The following TAFA5 variants were observed in gnomAD, a reference collection of about 807,000 sequenced individuals.
TAFA5 encodes the protein TAFA chemokine like family member 5, also known as chemokine-like protein TAFA-5.
A neutral mutation model predicts 15.3 loss-of-function variants in TAFA5; 6 were observed. That is an observed-to-expected ratio of 0.39 (90% confidence interval 0.21 to 0.77). The LOEUF (loss-of-function observed/expected upper bound fraction) is 0.77, where lower values mean the gene tolerates loss of function less well. Among genes scored for constraint, TAFA5 ranks in the 30% least tolerant of loss-of-function variants. The pLI is 0.41. For missense variants in TAFA5, 161 were observed against 193.1 expected, an observed-to-expected ratio of 0.83 and a Z score of 0.98; for synonymous variants, 103 against 80.7, an observed-to-expected ratio of 1.28 and a Z score of -1.48.
In TAFA5 at chr22:48,715,516, C is replaced by A. The variant is rs548582425; in HGVS notation, c.390+7672C>A. Among the ~76,000 whole-genome samples, 14 of 152,340 alleles carry A rather than the reference C, an allele frequency of 9.2e-5. No homozygotes were observed. In the East Asian group the frequency reaches 2.7e-3, roughly 29 times the overall value. On this transcript the variant is annotated intron_variant, in intron 3 of 3. Coordinates refer to ENST00000402357, the MANE Select transcript of TAFA5 (RefSeq NM_001082967.3). ...AGGAGGCCAGGGCCTCCATCTTCCT[C>A]CTCTTGGGTGCTCTGCTTCCTCTCC... is the stretch of plus-strand genomic sequence containing the variant.
intron 1 of TAFA5, among the ~76,000 whole-genome samples, chr22:48,516,070 A>G (rs989785856): frequency 1.3e-5 from 2 of 152,098 alleles, no homozygotes; most frequent in African/African-American, 4.8e-5. Flanking sequence ...TGGCAGGTTG[A>G]GGAGAAACAG....
Position 48,560,495 on chromosome 22 carries a change from TGTGAGGTGCTTTCA to T in TAFA5, c.112+70792_112+70805del, listed in dbSNP as rs1404215888. Among the ~76,000 whole-genome samples the T allele has an allele frequency of 6.6e-6, 1 of 152,176 alleles. No individual in the cohort carries two copies. Among genetic ancestry groups the T allele is most frequent in the Non-Finnish European group, 1.5e-5 (1 of 68,032 alleles). On this transcript the variant is annotated intron_variant, in intron 1 of 3. Coordinates refer to ENST00000402357, the MANE Select transcript of TAFA5 (RefSeq NM_001082967.3). This position sits in a 1 kb window ranked among gnomAD's most constrained non-coding sequence, Gnocchi z 4.2. The stretch of plus-strand genomic sequence containing the variant: ...AGCAGGCGCCCCCAGTGTGAACTAA[TGTGAGGTGCTTTCA>T]TGCTGCAGAAGGCACCTGGGTCCTG...
rs150934282 is a variant in TAFA5 at position 48,705,552 on chromosome 22, C to T, written c.263-2165C>T. Among the ~76,000 whole-genome samples, 774 of 152,342 alleles carry T rather than the reference C, an allele frequency of 5.1e-3. 8 individuals carry two copies. Among genetic ancestry groups the T allele is most frequent in the African/African-American group, 0.017 (713 of 41,580 alleles). The stretch of plus-strand genomic sequence containing the variant: ...CCCCAGGACCCTGTCCTCTGCTGCC[C>T]ACTGCTCCTATAGGAACAGCCACTG... On this transcript the variant is annotated intron_variant, in intron 2 of 3. Coordinates refer to ENST00000402357, the MANE Select transcript of TAFA5 (RefSeq NM_001082967.3).
chr22:48,625,117 A>G (rs77723829), intron 1 of TAFA5, among the ~76,000 whole-genome samples: 1 of 149,302 alleles, frequency 6.7e-6, no homozygotes, highest in Non-Finnish European at 1.5e-5. Flanking sequence ...CCTGTCTTGA[A>G]AAAAAAAAAA....
chr22:48,694,376 A>G (rs1336242825), intron 2 of TAFA5, among the ~76,000 whole-genome samples: 1 of 151,758 alleles, frequency 6.6e-6, no homozygotes, highest in Non-Finnish European at 1.5e-5. Flanking sequence ...GAAGGCTGGC[A>G]CTGCTGGGAC....
At chr22:48,505,327 T>C (rs1920983464) in intron 1 of TAFA5, among the ~76,000 whole-genome samples, 1 of 152,076 alleles carries the variant, frequency 6.6e-6, no homozygotes. Flanking sequence ...GCCCTGAGGC[T>C]CAGGGATCCA....
At chr22:48,647,187 T>C (rs943114605) in intron 2 of TAFA5, among the ~76,000 whole-genome samples, 1 of 152,086 alleles carries the variant, frequency 6.6e-6, no homozygotes, top group African/African-American at 2.4e-5. Context: ...TTCAAGACAC[T>C]CTCATGCCTA....
chr22:48,738,491 T>C (rs1298626847), intron 3 of TAFA5, among the ~76,000 whole-genome samples: 1 of 152,044 alleles, frequency 6.6e-6, no homozygotes, highest in Non-Finnish European at 1.5e-5. Flanking sequence ...GAGTCTCATC[T>C]CGCTGCCTCT....
intron 1 of TAFA5, among the ~76,000 whole-genome samples, chr22:48,563,633 C>T (rs1378416088): frequency 1.3e-5 from 2 of 152,192 alleles, no homozygotes; most frequent in African/African-American, 4.8e-5. Flanking sequence ...CTCTGCCCCT[C>T]GGACTCCTCT....
intron 2 of TAFA5, among the ~76,000 whole-genome samples, chr22:48,705,784 CAT>C (rs763939492): frequency 3.3e-5 from 5 of 152,378 alleles, no homozygotes; most frequent in South Asian, 2.1e-4. Context: ...TGTTAGCACA[CAT>C]GTGTGCACAC....
At chr22:48,669,139 C>T (rs564056099) in intron 2 of TAFA5, among the ~76,000 whole-genome samples, 5 of 152,326 alleles carry the variant, frequency 3.3e-5, no homozygotes, top group East Asian at 1.9e-4. Context: ...CGCCAGACAC[C>T]GAATCTGCTG....
intron 1 of TAFA5, among the ~76,000 whole-genome samples, chr22:48,614,586 G>T (rs1007311609): frequency 1.3e-5 from 2 of 152,214 alleles, no homozygotes; most frequent in African/African-American, 4.8e-5. Flanking sequence ...TTAAAGGGAT[G>T]CAGAGGCCAG....
At chr22:48,508,194 G>A (rs1045675576) in intron 1 of TAFA5, among the ~76,000 whole-genome samples, 13 of 152,294 alleles carry the variant, frequency 8.5e-5, no homozygotes, top group Middle Eastern at 3.4e-3. Flanking sequence ...TGTTCAGCTC[G>A]AGGCTGCACC....
intron 2 of TAFA5, among the ~76,000 whole-genome samples, chr22:48,649,311 A>G (rs1926973783): frequency 6.6e-6 from 1 of 152,134 alleles, no homozygotes; most frequent in Non-Finnish European, 1.5e-5. Context: ...GCCGTATGCC[A>G]CTGGCCCTCC....
At position 48,719,546 on chromosome 22, in the gene TAFA5, G is replaced by A. The variant is rs77777788; in HGVS notation, c.390+11702G>A. 6.1e-3 allele frequency among the ~76,000 whole-genome samples: 924 copies of A among 151,674 alleles called. 7 individuals are homozygous for A. The highest frequency in any genetic ancestry group is 0.022 in the African/African-American group (895 of 41,406). On this transcript the variant is annotated intron_variant, in intron 3 of 3. Coordinates refer to ENST00000402357, the MANE Select transcript of TAFA5 (RefSeq NM_001082967.3). ...CCTCTCACCAGCCCAAGAGAGCAGGGTGGTGGTGGGCCGAGGTGGCCTCAG... is the reference window on the plus strand; with the variant it reads ...CCTCTCACCAGCCCAAGAGAGCAGGATGGTGGTGGGCCGAGGTGGCCTCAG...
chr22:48,498,687 G>T (rs1920937806), intron 1 of TAFA5, among the ~76,000 whole-genome samples: 1 of 152,106 alleles, frequency 6.6e-6, no homozygotes, highest in Admixed American at 6.5e-5. Flanking sequence ...GCCTGTACAT[G>T]GCGGGGCTTT....
chr22:48,564,019 G>A (rs1028285101), intron 1 of TAFA5, among the ~76,000 whole-genome samples: 1 of 152,212 alleles, frequency 6.6e-6, no homozygotes, highest in Admixed American at 6.5e-5. Context: ...TCAGCGTGGG[G>A]TCCCCCAAAA....
chr22:48,660,374 G>A (rs1326614218), intron 2 of TAFA5, among the ~76,000 whole-genome samples: 2 of 152,224 alleles, frequency 1.3e-5, no homozygotes, highest in African/African-American at 2.4e-5. Flanking sequence ...CGCACATCTC[G>A]AGTATGTTTG....
chr22:48,623,541 C>T (rs986454789), intron 1 of TAFA5, among the ~76,000 whole-genome samples: 5 of 152,190 alleles, frequency 3.3e-5, no homozygotes, highest in African/African-American at 1.2e-4. Flanking sequence ...GGCCAGGTCC[C>T]TGGCGTGAGT....
Sources: gnomAD v4.1 joint callset for allele counts (sites outside exome capture counted in the v4.1 genomes callset) on GRCh38, gnomAD v4.1.1 for gene constraint, Gnocchi (gnomAD v3.1) non-coding constraint, MANE v1.5 for transcripts, NCBI Gene and HGNC (gene_info 2026-07-23, HGNC 2026-07-21) for gene names.